USP24: variants seen among roughly 807,000 people sequenced by gnomAD.
USP24 encodes ubiquitin specific peptidase 24.
In USP24, 97 loss-of-function variants were observed where a neutral mutation model predicts 361.6. That is an observed-to-expected ratio of 0.27 (90% CI 0.23 to 0.32). USP24 has a LOEUF of 0.32. USP24 is among the 10% of genes least tolerant of loss of function. USP24 has a pLI of 1.00. For synonymous variants in USP24, 1,098 were observed against 1,124.6 expected, an observed-to-expected ratio of 0.98 and a Z score of 0.47; for missense variants, 2,353 against 3,165.6, an observed-to-expected ratio of 0.74 and a Z score of 6.16.
chr1:55,090,192 AT>A (rs1274593303), intron 54 of USP24, among the ~76,000 whole-genome samples: 1 of 152,154 alleles, frequency 6.6e-6, no homozygotes, highest in East Asian at 1.9e-4. Context: ...TAAAAAAAAA[AT>A]ATTCAGGCAG....
At chr1:55,196,572 A>G (rs1451762259) in intron 1 of USP24, among the ~76,000 whole-genome samples, 2 of 152,152 alleles carry the variant, frequency 1.3e-5, no homozygotes, top group African/African-American at 4.8e-5. Context: ...TTTAAGTGCT[A>G]TCTCTAAGTT....
At chr1:55,075,688 C>T (rs1034997417) in intron 62 of USP24, among the ~76,000 whole-genome samples, 165 bp from the exon 63 acceptor site, 8 of 151,540 alleles carry the variant, frequency 5.3e-5, no homozygotes, top group African/African-American at 1.5e-4. Context: ...CAATACAGGA[C>T]GGGCATGGTG....
intron 1 of USP24, among the ~76,000 whole-genome samples, chr1:55,201,006 A>C (rs893040807): frequency 6.6e-6 from 1 of 152,252 alleles, no homozygotes; most frequent in Non-Finnish European, 1.5e-5. Context: ...CATTATAAAG[A>C]CACCGGCAAT....
chr1:55,143,752 C>A (rs567816696), intron 21 of USP24, among the ~76,000 whole-genome samples: 3 of 152,056 alleles, frequency 2.0e-5, no homozygotes, highest in African/African-American at 4.8e-5. Flanking sequence ...GATCCCAGGA[C>A]GAAGACTGTT....
intron 1 of USP24, among the ~76,000 whole-genome samples, chr1:55,190,859 A>T (rs1028548630): frequency 5.3e-5 from 8 of 152,246 alleles, no homozygotes; most frequent in Admixed American, 5.2e-4. Flanking sequence ...ATCGTGCTCC[A>T]GAGAGAAGAT....
intron 54 of USP24, 29 bp downstream of exon 54, chr1:55,091,994 A>G (rs749203768): frequency 2.0e-6 from 3 of 1,535,292 alleles, no homozygotes; most frequent in Admixed American, 1.8e-5. Flanking sequence ...CTCTGTCACA[A>G]CAGATTATCA....
chr1:55,203,978 T>C (rs1428846338), intron 1 of USP24, among the ~76,000 whole-genome samples: 1 of 152,146 alleles, frequency 6.6e-6, no homozygotes, highest in Non-Finnish European at 1.5e-5. Context: ...GCTGCTACTC[T>C]AACTCACCAA....
chr1:55,078,562 G>A lies in USP24; in HGVS notation c.7290C>T (p.Ser2430=), dbSNP rs376147060. ...VYCCFCNEHF[S]FTMLHFIKNQ... ...CCTTAATGAAATGCAGCATTGTGAA[G>A]GAAAAATGCTCATTACAGAAACAGC... The change falls in exon 61 of 68, where the codon TCC becomes TCT. Residue 2430 remains serine, a synonymous_variant. Coordinates refer to ENST00000294383, the MANE Select transcript of USP24 (RefSeq NM_015306.3). The A allele has an allele frequency of 1.7e-5, 28 of 1,611,318 alleles. No homozygotes were observed. In the African/African-American group the frequency reaches 3.2e-4, roughly 18 times the overall value.
chr1:55,083,388 C>A (rs1645189928), intron 57 of USP24, 24 bp from the exon 58 acceptor site: 3 of 1,610,512 alleles, frequency 1.9e-6, no homozygotes, highest in Non-Finnish European at 2.5e-6. Flanking sequence ...TTGAGAATAA[C>A]AAATTATATT....
At chr1:55,125,263 A>G in intron 34 of USP24, 57 bp downstream of exon 34, 5 of 1,538,926 alleles carry the variant, frequency 3.2e-6, no homozygotes, top group East Asian at 2.3e-5. Context: ...ACCTCTTCCT[A>G]AACAGGACAT....
chr1:55,191,262 T>C (rs932072965), intron 1 of USP24, among the ~76,000 whole-genome samples: 6 of 152,230 alleles, frequency 3.9e-5, no homozygotes, highest in Non-Finnish European at 7.3e-5. Flanking sequence ...AGTAACATTG[T>C]TGGATACATA....
chr1:55,139,947 C>T (rs1001976194), intron 24 of USP24, among the ~76,000 whole-genome samples: 3 of 151,888 alleles, frequency 2.0e-5, no homozygotes, highest in African/African-American at 7.3e-5. Context: ...AATTATGCCT[C>T]AATAATGAAT....
intron 1 of USP24, among the ~76,000 whole-genome samples, chr1:55,202,783 C>T (rs1223954849): frequency 1.3e-5 from 2 of 152,198 alleles, no homozygotes; most frequent in Non-Finnish European, 2.9e-5. Flanking sequence ...CAGGGGATCA[C>T]TTGTACAAGG....
At chr1:55,123,091 T>C (rs1350386576) in intron 36 of USP24, among the ~76,000 whole-genome samples, 1 of 152,198 alleles carries the variant, frequency 6.6e-6, no homozygotes, top group Non-Finnish European at 1.5e-5. Context: ...AATCTTAAGT[T>C]ACACAATTTT....
intron 1 of USP24, among the ~76,000 whole-genome samples, chr1:55,185,906 G>A (rs1644118082): frequency 6.6e-6 from 1 of 151,996 alleles, no homozygotes; most frequent in African/African-American, 2.4e-5. Context: ...AAATAAATAT[G>A]GTAAGATATA....
Position 55,142,976 on chromosome 1 carries a change from T to C in USP24, c.2580+3A>G. ...TGGATAACTTCTTTCCTTAGATACCTACCTTCTTTAATCTAGGATTTAGAT... is the reference window on the plus strand; with the variant it reads ...TGGATAACTTCTTTCCTTAGATACCCACCTTCTTTAATCTAGGATTTAGAT... On this transcript the variant is annotated splice_donor_region_variant and intron_variant, in intron 22 of 67. Transcript: ENST00000294383. The C allele has an allele frequency of 6.7e-7, 1 of 1,498,236 alleles. No individual in the cohort carries two copies. Among genetic ancestry groups the C allele is most frequent in the South Asian group, 1.3e-5 (1 of 77,092 alleles). 92.8% of individuals were successfully genotyped at this position (1,498,236 alleles called of 1,614,324 possible). A position where few individuals can be genotyped will look rare whatever the true frequency, so the allele number is the denominator to read the frequency against.
intron 32 of USP24, among the ~76,000 whole-genome samples, chr1:55,128,205 C>A (rs1398331143): frequency 6.6e-6 from 1 of 152,192 alleles, no homozygotes. Context: ...CCACCCTCTA[C>A]CTAGTCATAA....
chr1:55,071,382 C>T, intron 67 of USP24: 1 of 990,224 alleles, frequency 1.0e-6, no homozygotes. Context: ...TCAAAATTTT[C>T]TTGGACTCCC....
chr1:55,150,332 C>T (rs1056961645), intron 16 of USP24, among the ~76,000 whole-genome samples: 5 of 152,136 alleles, frequency 3.3e-5, no homozygotes, highest in South Asian at 2.1e-4. Context: ...AACTGCAAAA[C>T]GGACAGTTTC....
Sources: allele counts gnomAD v4.1 joint callset (sites outside exome capture counted in the v4.1 genomes callset), GRCh38; gene constraint gnomAD v4.1.1; transcripts MANE v1.5; gene names NCBI Gene and HGNC (gene_info 2026-07-23, HGNC 2026-07-21).